The following ILDR2 variants were observed in gnomAD, a reference collection of about 807,000 sequenced individuals.
ILDR2 encodes the protein immunoglobulin like domain containing receptor 2, also known as immunoglobulin-like domain-containing receptor 2.
In ILDR2, 25 loss-of-function variants were observed where a neutral mutation model predicts 66.8. The ratio of observed to expected loss-of-function variants is 0.37; its 90% confidence interval spans 0.27 to 0.52. The LOEUF is 0.52. Among genes scored for constraint, ILDR2 ranks in the 20% least tolerant of loss-of-function variants. The pLI, the probability that ILDR2 is intolerant of heterozygous loss-of-function variation, is 0.88. For synonymous variants in ILDR2, 367 were observed against 357.2 expected (o/e 1.03, Z -0.31); for missense variants, 827 against 876.8 (o/e 0.94, Z 0.72).
Position 166,909,755 on chromosome 1 carries a change from ATATAAATATATATAAATATATATATT to A in ILDR2, c.*9574_*9599del, listed in dbSNP as rs1488228971. 193 of 75,024 alleles carry A rather than the reference ATATAAATATATATAAATATATATATT, an allele frequency of 2.6e-3. No homozygotes were observed. The highest frequency in any genetic ancestry group is 0.012 in the African/African-American group (181 of 15,030). The allele number at this position is 75,024 out of a possible 1,614,324, so 4.6% of individuals were successfully genotyped here. A position where few individuals can be genotyped will look rare whatever the true frequency, so the allele number is the denominator to read the frequency against. Reference sequence around the variant, plus strand: ...TACATACATATATATATATATATATATATAAATATATATAAATATATATATTTATATATATATATATATATATATAT... The same window carrying A: ...TACATACATATATATATATATATATATATATATATATATATATATATATAT... On this transcript the variant is annotated 3_prime_UTR_variant, in exon 10 of 10. Coordinates refer to ENST00000271417, the MANE Select transcript of ILDR2 (RefSeq NM_199351.3).
chr1:166,922,645 C>G lies in ILDR2; in HGVS notation c.1159G>C (p.Gly387Arg). 1 of 1,614,146 alleles carries G rather than the reference C, an allele frequency of 6.2e-7. No homozygotes were observed. Among genetic ancestry groups the G allele is most frequent in the Non-Finnish European group, 8.5e-7 (1 of 1,180,030 alleles). The change falls in exon 8 of 10, where the codon GGG becomes CGG. Residue 387 changes from glycine to arginine, a missense_variant. Gly to Arg is a moderately radical substitution (Grantham distance 125). This residue lies in a region of ILDR2 where 437 missense variants were observed against 523.2 expected (regional missense o/e 0.84). Transcript: ENST00000271417. ...VMGGSSGASR[G>R]PSAMEYNKED... ...TTGTTATACTCCATGGCTGAGGGCC[C>G]GCGGCTTGCCCCACTGCTGCCTCCC...
chr1:166,902,201 G>A (rs1659276478), intron 2 of ILDR2, among the ~76,000 whole-genome samples: 1 of 152,178 alleles, frequency 6.6e-6, no homozygotes, highest in African/African-American at 2.4e-5. Flanking sequence ...CTCTTTTTCT[G>A]TGAGATCCTG....
intron 6 of ILDR2, among the ~76,000 whole-genome samples, chr1:166,931,816 C>T (rs569695914): frequency 2.0e-5 from 3 of 152,296 alleles, no homozygotes; most frequent in South Asian, 4.2e-4. Context: ...AGGTGGACAA[C>T]AATGCCATCC....
chr1:166,939,434 A>T (rs1193600523), intron 4 of ILDR2, 80 bp downstream of exon 4: 1 of 1,147,114 alleles, frequency 8.7e-7, no homozygotes, highest in Non-Finnish European at 1.3e-6. Context: ...AAAGTAAAGA[A>T]GCAATTAGCG....
intron 7 of ILDR2, among the ~76,000 whole-genome samples, chr1:166,924,331 CA>C (rs1435431180): frequency 6.6e-6 from 1 of 152,098 alleles, no homozygotes; most frequent in Non-Finnish European, 1.5e-5. Flanking sequence ...TAAAATGCAC[CA>C]AATGACCCTA....
intron 3 of ILDR2, among the ~76,000 whole-genome samples, chr1:166,952,382 C>A (rs1662031400): frequency 6.6e-6 from 1 of 152,146 alleles, no homozygotes; most frequent in African/African-American, 2.4e-5. Context: ...TCTTAAAGCA[C>A]CAAAACACTA....
At chr1:166,943,833 C>A in intron 3 of ILDR2, 1 of 985,300 alleles carries the variant, frequency 1.0e-6, no homozygotes, top group Middle Eastern at 5.2e-4. Flanking sequence ...AATTACAAGT[C>A]ACTTTAATGT....
At chr1:166,901,091 C>T (rs1659256797) in intron 2 of ILDR2, among the ~76,000 whole-genome samples, 1 of 152,160 alleles carries the variant, frequency 6.6e-6, no homozygotes, top group African/African-American at 2.4e-5. Context: ...CTTTGGTCAC[C>T]TTCCATTTTT....
chr1:166,954,759 T>C (rs567206550), intron 3 of ILDR2, among the ~76,000 whole-genome samples: 2 of 152,302 alleles, frequency 1.3e-5, no homozygotes, highest in Admixed American at 1.3e-4. Flanking sequence ...TGCTGGCCCT[T>C]TTTTTCCTTG....
intron 2 of ILDR2, among the ~76,000 whole-genome samples, chr1:166,900,404 C>G (rs184563456): frequency 1.3e-5 from 2 of 152,282 alleles, no homozygotes; most frequent in African/African-American, 4.8e-5. Context: ...GCATCCTACC[C>G]CCACAAATAA....
Position 166,908,958 on chromosome 1 carries a change from T to A in ILDR2, c.*10397A>T, listed in dbSNP as rs1659404137. On this transcript the variant is annotated 3_prime_UTR_variant, in exon 10 of 10. Transcript: ENST00000271417. ...TTTCGGATGCAGTAGCAGATAGCTG[T>A]TGGTGTTGTGTATGTGTTTTGTCTG... The A allele has an allele frequency of 6.6e-6, 1 of 152,192 alleles. No individual in the cohort carries two copies. Among genetic ancestry groups the A allele is most frequent in the East Asian group, 1.9e-4 (1 of 5,196 alleles). 9.4% of individuals were successfully genotyped at this position (152,192 alleles called of 1,614,324 possible).
intron 1 of ILDR2, among the ~76,000 whole-genome samples, chr1:166,974,559 T>C (rs1050746072): frequency 6.6e-6 from 1 of 151,816 alleles, no homozygotes; most frequent in Non-Finnish European, 1.5e-5. Flanking sequence ...GAGCGGAGAG[T>C]GCACCTATTA....
intron 2 of ILDR2, among the ~76,000 whole-genome samples, chr1:166,898,952 T>C (rs905666642): frequency 2.0e-5 from 3 of 151,642 alleles, no homozygotes; most frequent in African/African-American, 7.3e-5. Context: ...CCCAACAACT[T>C]TGGAGGCTGA....
At chr1:166,947,659 GCC>G (rs1557947095) in intron 3 of ILDR2, among the ~76,000 whole-genome samples, 1 of 152,110 alleles carries the variant, frequency 6.6e-6, no homozygotes, top group East Asian at 1.9e-4. Flanking sequence ...CCTGCCCCCA[GCC>G]CCCGTTTCCT....
downstream of ILDR2, among the ~76,000 whole-genome samples, chr1:166,906,819 G>T (rs896864777): frequency 6.6e-6 from 1 of 152,298 alleles, no homozygotes; most frequent in East Asian, 1.9e-4. Context: ...AAGATATGAC[G>T]TGGCTGTATG....
intron 9 of ILDR2, 75 bp from the exon 10 acceptor site, chr1:166,919,465 C>A: frequency 7.1e-7 from 1 of 1,416,138 alleles, no homozygotes; most frequent in East Asian, 2.3e-5. Flanking sequence ...AGATGGTTCT[C>A]TGGGCAGAGT....
downstream of ILDR2, among the ~76,000 whole-genome samples, chr1:166,903,203 ATTGAT>A (rs1659289331): frequency 6.6e-6 from 1 of 152,198 alleles, no homozygotes; most frequent in Non-Finnish European, 1.5e-5. Context: ...CACATTTCTC[ATTGAT>A]TTAATTACAG....
intron 2 of ILDR2, among the ~76,000 whole-genome samples, chr1:166,901,338 A>G (rs569272102): frequency 9.9e-5 from 15 of 152,266 alleles, no homozygotes; most frequent in African/African-American, 3.6e-4. Context: ...GGGTTATTAC[A>G]AACATTAACT....
chr1:166,954,377 T>G (rs1376366365), intron 3 of ILDR2, among the ~76,000 whole-genome samples: 3 of 152,182 alleles, frequency 2.0e-5, no homozygotes, highest in African/African-American at 4.8e-5. Flanking sequence ...CAAAAAAGAC[T>G]CAGAATTTTG....
Sources: allele counts gnomAD v4.1 joint callset (sites outside exome capture counted in the v4.1 genomes callset), GRCh38; gene constraint gnomAD v4.1.1; regional missense constraint gnomAD v4.1.1; transcripts MANE v1.5; gene names NCBI Gene and HGNC (gene_info 2026-07-23, HGNC 2026-07-21).